WWOX: variants seen among roughly 807,000 people sequenced by gnomAD.
WWOX encodes WW domain-containing oxidoreductase.
Under a neutral mutation model 46.2 loss-of-function variants are expected in WWOX, and 69 were observed. That is an observed-to-expected ratio of 1.49 (90% CI 1.23 to 1.82). The LOEUF (loss-of-function observed/expected upper bound fraction) is 1.82. Among genes scored for constraint, WWOX ranks in the 40% most tolerant of loss-of-function variants. The pLI is 0.00. For missense variants in WWOX, 919 were observed against 542.6 expected (o/e 1.69, Z -6.89); for synonymous variants, 359 against 202.6 (o/e 1.77, Z -6.56).
At chr16:78,391,680 T>A (rs2082176578) in intron 6 of WWOX, among the ~76,000 whole-genome samples, 1 of 152,178 alleles carries the variant, frequency 6.6e-6, no homozygotes, top group South Asian at 2.1e-4. Flanking sequence ...AAACCCCGTC[T>A]GTACTAAAAA....
intron 8 of WWOX, chr16:79,205,944 A>T (rs2051494807): frequency 6.6e-6 from 1 of 152,140 alleles, no homozygotes; most frequent in South Asian, 2.1e-4. Flanking sequence ...CTTTGAAAAA[A>T]TTCTATCATC....
chr16:78,130,190 G>C (rs562834125), intron 4 of WWOX: 8 of 152,234 alleles, frequency 5.3e-5, no homozygotes, highest in African/African-American at 7.2e-5. Context: ...CCCAGTCTTC[G>C]ATATGTCCTT....
intron 8 of WWOX, among the ~76,000 whole-genome samples, chr16:78,707,418 G>A (rs1355358624): frequency 1.3e-5 from 2 of 152,176 alleles, no homozygotes; most frequent in Non-Finnish European, 1.5e-5. Context: ...TCCTTTTTAT[G>A]CACAAGCATC....
intron 8 of WWOX, among the ~76,000 whole-genome samples, chr16:78,488,775 G>C (rs1419860750): frequency 6.6e-6 from 1 of 152,190 alleles, no homozygotes; most frequent in African/African-American, 2.4e-5. Context: ...CTGAGTCTTA[G>C]TTTCCTTACC....
chr16:78,500,328 C>T (rs997114855), intron 8 of WWOX, among the ~76,000 whole-genome samples: 3 of 152,176 alleles, frequency 2.0e-5, no homozygotes, highest in Non-Finnish European at 2.9e-5. Flanking sequence ...TGAATTATTC[C>T]CGCTGCCATT....
intron 8 of WWOX, among the ~76,000 whole-genome samples, chr16:78,441,816 G>C (rs183295202): frequency 2.6e-5 from 4 of 152,106 alleles, no homozygotes; most frequent in Admixed American, 1.3e-4. Flanking sequence ...ATTGTTATTG[G>C]CTTGCAGTAG....
At chr16:78,212,327 A>G (rs772825472) in intron 5 of WWOX, among the ~76,000 whole-genome samples, 4 of 152,238 alleles carry the variant, frequency 2.6e-5, no homozygotes, top group Admixed American at 6.5e-5. Context: ...AACAATTTGC[A>G]TTGGCGAAAG....
chr16:79,030,251 C>T (rs927928905), intron 8 of WWOX, among the ~76,000 whole-genome samples: 1 of 152,158 alleles, frequency 6.6e-6, no homozygotes, highest in Non-Finnish European at 1.5e-5. Flanking sequence ...TATGATTCTA[C>T]TCTTTTAATT....
At chr16:79,013,761 T>C (rs2047359313) in intron 8 of WWOX, among the ~76,000 whole-genome samples, 1 of 152,232 alleles carries the variant, frequency 6.6e-6, no homozygotes, top group African/African-American at 2.4e-5. Context: ...CATTTGTTAC[T>C]TTTATTGTCT....
intron 5 of WWOX, among the ~76,000 whole-genome samples, chr16:78,364,321 G>A (rs1381165632): frequency 6.6e-6 from 1 of 152,148 alleles, no homozygotes; most frequent in Non-Finnish European, 1.5e-5. Context: ...CTATCAATTG[G>A]TTGGTCTCTG....
chr16:78,484,884 C>T (rs1210032710), intron 8 of WWOX, among the ~76,000 whole-genome samples: 1 of 152,168 alleles, frequency 6.6e-6, no homozygotes, highest in Non-Finnish European at 1.5e-5. Flanking sequence ...GTCCCAGTTA[C>T]ATCAAGGCTG....
chr16:79,002,477 C>G (rs2047113295), intron 8 of WWOX, among the ~76,000 whole-genome samples: 1 of 152,104 alleles, frequency 6.6e-6, no homozygotes, highest in Non-Finnish European at 1.5e-5. Context: ...CCTGCCTTGG[C>G]CTCCCAAAGT....
At chr16:78,867,131 A>T (rs60551990) in intron 8 of WWOX, among the ~76,000 whole-genome samples, 198 of 152,200 alleles carry the variant, frequency 1.3e-3, no homozygotes, top group African/African-American at 4.6e-3. Flanking sequence ...TAATGATGAG[A>T]AGGGGTGGGT....
chr16:79,142,290 C>T (rs777910126), intron 8 of WWOX, among the ~76,000 whole-genome samples: 2 of 152,066 alleles, frequency 1.3e-5, no homozygotes, highest in Non-Finnish European at 2.9e-5. Flanking sequence ...GCATATAAAA[C>T]AGGGTAGTGA....
intron 8 of WWOX, among the ~76,000 whole-genome samples, chr16:79,008,918 A>G (rs1251583355): frequency 1.3e-5 from 2 of 152,192 alleles, no homozygotes; most frequent in Non-Finnish European, 2.9e-5. Flanking sequence ...CGAGCTAAAA[A>G]TGTCTCCACC....
chr16:78,448,538 A>G (rs539782920), intron 8 of WWOX, among the ~76,000 whole-genome samples: 6 of 152,242 alleles, frequency 3.9e-5, no homozygotes, highest in African/African-American at 7.2e-5. Context: ...GTTGGGTGTC[A>G]TGAAGCCAAC....
chr16:78,965,086 G>A (rs1283933176), intron 8 of WWOX, among the ~76,000 whole-genome samples: 1 of 152,240 alleles, frequency 6.6e-6, no homozygotes, highest in Non-Finnish European at 1.5e-5. Context: ...TGCTAGGGCA[G>A]TGCTGAAGGG....
Position 78,582,529 on chromosome 16 carries a change from G to T in WWOX, c.1056+149777G>T, listed in dbSNP as rs570638406. ...CAGTTTAAAAATTCGGATGCATTTTGCACAGAATTAAGACGTTATGTGCAA... is the reference window on the plus strand; with the variant it reads ...CAGTTTAAAAATTCGGATGCATTTTTCACAGAATTAAGACGTTATGTGCAA... On this transcript the variant is annotated intron_variant, in intron 8 of 8. Coordinates refer to ENST00000566780, the MANE Select transcript of WWOX (RefSeq NM_016373.4). Among the ~76,000 whole-genome samples the T allele has an allele frequency of 1.7e-3, 263 of 152,226 alleles. 2 individuals are homozygous for T. Among genetic ancestry groups the T allele is most frequent in the African/African-American group, 5.9e-3 (243 of 41,526 alleles).
intron 8 of WWOX, among the ~76,000 whole-genome samples, chr16:78,501,034 A>G (rs539002681): frequency 2.5e-4 from 38 of 152,122 alleles, no homozygotes; most frequent in Non-Finnish European, 5.1e-4. Flanking sequence ...GGAGGAGGCT[A>G]TTATTCTTAG....
Sources: allele counts gnomAD v4.1 joint callset (sites outside exome capture counted in the v4.1 genomes callset), GRCh38; gene constraint gnomAD v4.1.1; transcripts MANE v1.5; gene names NCBI Gene and HGNC (gene_info 2026-07-23, HGNC 2026-07-21).